The following TTF2 variants were observed in gnomAD, a reference collection of about 807,000 sequenced individuals.
The protein encoded by TTF2 is transcription termination factor 2.
TTF2 carries 108 observed loss-of-function variants against 142.4 expected under a neutral mutation model. The observed-to-expected ratio is 0.76, with a 90% CI of 0.65 to 0.89. The LOEUF (loss-of-function observed/expected upper bound fraction) is 0.89, where lower values mean the gene tolerates loss of function less well. Among genes scored for constraint, TTF2 ranks in the 40% least tolerant of loss-of-function variants. The probability of loss-of-function intolerance (pLI) is 0.00; values close to 1 mark genes in which losing one functional copy is unlikely to be tolerated. For synonymous variants in TTF2, 483 were observed against 506.2 expected, an observed-to-expected ratio of 0.95 and a Z score of 0.61; for missense variants, 1,327 against 1,379.8, an observed-to-expected ratio of 0.96 and a Z score of 0.61.
Position 117,086,600 on chromosome 1 carries a change from T to C in TTF2, c.2160+78T>C, listed in dbSNP as rs901666450. 2.0e-6 allele frequency: 2 copies of C among 1,018,772 alleles called. No individual in the cohort carries two copies. Among genetic ancestry groups the C allele is most frequent in the Non-Finnish European group, 3.0e-6 (2 of 657,450 alleles). 63.1% of individuals were successfully genotyped at this position (1,018,772 alleles called of 1,614,324 possible). A position where few individuals can be genotyped will look rare whatever the true frequency, so the allele number is the denominator to read the frequency against. On this transcript the variant is annotated intron_variant, in intron 12 of 22. Transcript: ENST00000369466. The surrounding 1 kb of genome is among the most constrained non-coding windows in gnomAD (Gnocchi z 4.2). ...TGGGAGTCTTTCTCAGCCTCCACGA[T>C]AGCAAGAGGACCTCCCTGGAGGTCA...
intron 3 of TTF2, among the ~76,000 whole-genome samples, chr1:117,067,023 G>A (rs1158080950): frequency 1.3e-5 from 2 of 152,130 alleles, no homozygotes; most frequent in Non-Finnish European, 2.9e-5. Flanking sequence ...TTATTTTCAT[G>A]TGAAACCAGC....
rs980150067 is a variant in TTF2, at chr1:117,106,408, G to A, written c.*4884G>A. On this transcript the variant is annotated 3_prime_UTR_variant, in exon 23 of 23. Coordinates refer to ENST00000369466, the MANE Select transcript of TTF2 (RefSeq NM_003594.4). Reference sequence around the variant, plus strand: ...TAGCTAAATCCAGATGTATTAATAGGTAGAGACTACTTCAGAAAGGATGAG... The same window carrying A: ...TAGCTAAATCCAGATGTATTAATAGATAGAGACTACTTCAGAAAGGATGAG... 6.6e-6 allele frequency: 1 copy of A among 152,166 alleles called. No homozygotes were observed. Among genetic ancestry groups the A allele is most frequent in the African/African-American group, 2.4e-5 (1 of 41,440 alleles). The allele number at this position is 152,166 out of a possible 1,614,324, so 9.4% of individuals were successfully genotyped here. A position where few individuals can be genotyped will look rare whatever the true frequency, so the allele number is the denominator to read the frequency against.
In TTF2 at chr1:117,093,122, G is replaced by A. The variant is rs2101157515; in HGVS notation, c.2976+221G>A. 6.6e-6 allele frequency among the ~76,000 whole-genome samples: 1 copy of A among 152,270 alleles called. No individual in the cohort carries two copies. The highest frequency in any genetic ancestry group is 1.9e-4 in the East Asian group (1 of 5,188). ...ATAGGGGACTTTGAGAGAGTAATTT[G>A]GGACAACCCCAGCATTGCACTGAAG... On this transcript the variant is annotated intron_variant, in intron 18 of 22. Coordinates refer to ENST00000369466, the MANE Select transcript of TTF2 (RefSeq NM_003594.4). This position sits in a 1 kb window ranked among gnomAD's most constrained non-coding sequence, Gnocchi z 4.5.
chr1:117,097,465 C>T lies in TTF2; in HGVS notation c.3269+32C>T, dbSNP rs781335527. ...ATTCCGGATTTGTCCTGGGTTGTCA[C>T]AGCACATCAAGGAGGCCAGTGGGCT... On this transcript the variant is annotated intron_variant, in intron 21 of 22. Transcript: ENST00000369466. The surrounding 1 kb of genome is among the most constrained non-coding windows in gnomAD (Gnocchi z 4.1). The T allele has an allele frequency of 6.2e-7, 1 of 1,605,776 alleles. No individual in the cohort carries two copies. The highest frequency in any genetic ancestry group is 2.2e-5 in the East Asian group (1 of 44,842).
chr1:117,062,567 T>A, intron 3 of TTF2, 94 bp downstream of exon 3: 1 of 1,262,660 alleles, frequency 7.9e-7, no homozygotes, highest in Non-Finnish European at 1.1e-6. Flanking sequence ...GATTGTTCTT[T>A]AAAAGTCATT....
rs909826464 is a variant in TTF2 at position 117,100,018 on chromosome 1, T to C, written c.3344+1111T>C. ...CAGACCTATCGCAGTCCCTGCTAAA[T>C]ATCTGAATCCGAGTGTCCACATACT... On this transcript the variant is annotated intron_variant, in intron 22 of 22. Coordinates refer to ENST00000369466, the MANE Select transcript of TTF2 (RefSeq NM_003594.4). The surrounding 1 kb of genome is among the most constrained non-coding windows in gnomAD (Gnocchi z 4.6). Among the ~76,000 whole-genome samples the C allele has an allele frequency of 6.6e-6, 1 of 152,260 alleles. No individual in the cohort carries two copies.
At chr1:117,081,298 C>T (rs774629494) in intron 9 of TTF2, among the ~76,000 whole-genome samples, 15 of 152,134 alleles carry the variant, frequency 9.9e-5, no homozygotes, top group Middle Eastern at 3.2e-3. Context: ...TGAGGATAAC[C>T]GTATTCTGTA....
Position 117,076,138 on chromosome 1 carries a change from A to C in TTF2, c.1276-42A>C. On this transcript the variant is annotated intron_variant, in intron 5 of 22. Transcript: ENST00000369466. This position sits in a 1 kb window ranked among gnomAD's most constrained non-coding sequence, Gnocchi z 4.6. ...TTTAATCTGAAACTATTCATCTAAC[A>C]GTGTGAGAGGAGAGATCCATTTGAT... 4 of 1,557,770 alleles carry C rather than the reference A, an allele frequency of 2.6e-6. No homozygotes were observed. The highest frequency in any genetic ancestry group is 3.5e-6 in the Non-Finnish European group (4 of 1,132,780).
At chr1:117,065,220 AC>A (rs1405364245) in intron 3 of TTF2, among the ~76,000 whole-genome samples, 4 of 152,176 alleles carry the variant, frequency 2.6e-5, no homozygotes, top group Non-Finnish European at 5.9e-5. Flanking sequence ...TCCACAGAAA[AC>A]CCTGTTGGGA....
chr1:117,066,308 C>T (rs1415053258), intron 3 of TTF2, among the ~76,000 whole-genome samples: 1 of 152,140 alleles, frequency 6.6e-6, no homozygotes, highest in Non-Finnish European at 1.5e-5. Flanking sequence ...ATTCCAGACA[C>T]ACCAACTTTC....
rs757703177 is a variant in TTF2, at chr1:117,075,852, A to G, written c.1268A>G (p.Gln423Arg). The change falls in exon 5 of 23, where the codon CAA becomes CGA. Residue 423 changes from glutamine (Q) to arginine (R), a missense_variant. By Grantham distance (43) the Gln-to-Arg change is conservative (BLOSUM62 1). Coordinates refer to ENST00000369466, the MANE Select transcript of TTF2 (RefSeq NM_003594.4). The surrounding 1 kb of genome is among the most constrained non-coding windows in gnomAD (Gnocchi z 4.5). ...GTCTACCTTACAACACAACTGAAAC[A>G]AAAGAAGGTAACTATTGACTCGTGT... is the stretch of plus-strand genomic sequence containing the variant. Reference protein sequence around the residue: ...RRVYLTTQLKQKKSTLASVNI... With the variant: ...RRVYLTTQLKRKKSTLASVNI... 1.2e-6 allele frequency: 2 copies of G among 1,603,092 alleles called. No individual in the cohort carries two copies. Among genetic ancestry groups the G allele is most frequent in the Admixed American group, 1.7e-5 (1 of 57,750 alleles).
At chr1:117,067,982 C>T (rs1323239414) in intron 3 of TTF2, among the ~76,000 whole-genome samples, 1 of 152,202 alleles carries the variant, frequency 6.6e-6, no homozygotes, top group African/African-American at 2.4e-5. Context: ...CACTGACCAG[C>T]ATTTGACTAG....
At position 117,075,975 on chromosome 1, in the gene TTF2, C is replaced by T. The variant is rs1656977651; in HGVS notation, c.1275+116C>T. 18 of 1,423,654 alleles carry T rather than the reference C, an allele frequency of 1.3e-5. No homozygotes were observed. Among genetic ancestry groups the T allele is most frequent in the Non-Finnish European group, 1.5e-5 (16 of 1,069,514 alleles). 88.2% of individuals were successfully genotyped at this position (1,423,654 alleles called of 1,614,324 possible). On this transcript the variant is annotated intron_variant, in intron 5 of 22. Coordinates refer to ENST00000369466, the MANE Select transcript of TTF2 (RefSeq NM_003594.4). The surrounding 1 kb of genome is among the most constrained non-coding windows in gnomAD (Gnocchi z 4.5). ...TGTTCATGTGAAGGTTTTATAGGTG[C>T]ATGTTCAGTTTCTGCCTTTTCCCCT...
At position 117,090,535 on chromosome 1, in the gene TTF2, A is replaced by T. The variant is rs769231549; in HGVS notation, c.2500A>T (p.Ile834Leu). The change falls in exon 15 of 23, where the codon ATA becomes TTA. Residue 834 changes from isoleucine to leucine, a missense_variant. Ile to Leu is a conservative substitution (Grantham distance 5, BLOSUM62 2). Coordinates refer to ENST00000369466, the MANE Select transcript of TTF2 (RefSeq NM_003594.4). This position sits in a 1 kb window ranked among gnomAD's most constrained non-coding sequence, Gnocchi z 4.8. ...GCTTTTTTTTTTATTCTTCCAGGTG[A>T]TACTGCCCCAGCGTAAATTTCAGTT... ...QLDSTGRPLV[I>L]LPQRKFQLHH... The T allele has an allele frequency of 6.2e-7, 1 of 1,613,170 alleles. No homozygotes were observed. The highest frequency in any genetic ancestry group is 8.5e-7 in the Non-Finnish European group (1 of 1,179,680).
rs1025129747 is a variant in TTF2, at chr1:117,101,242, G to C, written c.3345-138G>C. 10 of 824,542 alleles carry C rather than the reference G, an allele frequency of 1.2e-5. No individual in the cohort carries two copies. In the Admixed American group the frequency reaches 2.4e-4, roughly 19 times the overall value. The allele number at this position is 824,542 out of a possible 1,614,324, so 51.1% of individuals were successfully genotyped here. A position where few individuals can be genotyped will look rare whatever the true frequency, so the allele number is the denominator to read the frequency against. On this transcript the variant is annotated intron_variant, in intron 22 of 22. Coordinates refer to ENST00000369466, the MANE Select transcript of TTF2 (RefSeq NM_003594.4). This position sits in a 1 kb window ranked among gnomAD's most constrained non-coding sequence, Gnocchi z 5.9. Reference sequence around the variant, plus strand: ...AAGGTTGTTTGGATTCCTCAGACAGGGTTCTTAACTGGACCTAAGAAGACT... The same window carrying C: ...AAGGTTGTTTGGATTCCTCAGACAGCGTTCTTAACTGGACCTAAGAAGACT...
In TTF2 at chr1:117,090,086, A is replaced by G. The variant is rs2101127817; in HGVS notation, c.2374A>G (p.Asn792Asp). The change falls in exon 14 of 23, where the codon AAT becomes GAT. Residue 792 changes from asparagine (N) to aspartate (D), a missense_variant. Asn to Asp is a conservative substitution (Grantham distance 23). Coordinates refer to ENST00000369466, the MANE Select transcript of TTF2 (RefSeq NM_003594.4). This position sits in a 1 kb window ranked among gnomAD's most constrained non-coding sequence, Gnocchi z 4.8. ...FLRCSPFDEF[N>D]LWRSQVDNGS... is the part of the protein sequence containing the mutation. ...CCGTTGCTCTCCATTTGATGAGTTCAATCTGTGGAGGAGTCAGGTTGACAA... is the reference window on the plus strand; with the variant it reads ...CCGTTGCTCTCCATTTGATGAGTTCGATCTGTGGAGGAGTCAGGTTGACAA... 6.2e-7 allele frequency: 1 copy of G among 1,614,020 alleles called. No homozygotes were observed. The highest frequency in any genetic ancestry group is 2.2e-5 in the East Asian group (1 of 44,872).
chr1:117,069,044 C>G (rs1366328570), intron 3 of TTF2, among the ~76,000 whole-genome samples: 2 of 152,186 alleles, frequency 1.3e-5, no homozygotes, highest in African/African-American at 4.8e-5. Flanking sequence ...GAAAAGCCTT[C>G]TTCACTTTAG....
rs1346571849 is a variant in TTF2, at chr1:117,070,256, T to G, written c.219-3405T>G. The stretch of plus-strand genomic sequence containing the variant: ...TGAGTCATTTAACAATGGGGGCATA[T>G]TCTGAGAAATGCGTCATTAGGAGAT... On this transcript the variant is annotated intron_variant, in intron 3 of 22. Transcript: ENST00000369466. This position sits in a 1 kb window ranked among gnomAD's most constrained non-coding sequence, Gnocchi z 4.2. Among the ~76,000 whole-genome samples the G allele has an allele frequency of 6.6e-6, 1 of 152,234 alleles. No homozygotes were observed. Among genetic ancestry groups the G allele is most frequent in the Non-Finnish European group, 1.5e-5 (1 of 68,032 alleles).
In TTF2 at chr1:117,075,939, A is replaced by C. The variant is rs1656973491; in HGVS notation, c.1275+80A>C. 1 of 1,505,158 alleles carries C rather than the reference A, an allele frequency of 6.6e-7. No individual in the cohort carries two copies. 93.2% of individuals were successfully genotyped at this position (1,505,158 alleles called of 1,614,324 possible). A position where few individuals can be genotyped will look rare whatever the true frequency, so the allele number is the denominator to read the frequency against. On this transcript the variant is annotated intron_variant, in intron 5 of 22. Coordinates refer to ENST00000369466, the MANE Select transcript of TTF2 (RefSeq NM_003594.4). This position sits in a 1 kb window ranked among gnomAD's most constrained non-coding sequence, Gnocchi z 4.5. ...AGATATGAGATCTCATTGCTACAGA[A>C]GGGTTAAATATGTTCATGTGAAGGT...
Sources: allele counts gnomAD v4.1 joint callset (sites outside exome capture counted in the v4.1 genomes callset), GRCh38; gene constraint gnomAD v4.1.1; non-coding constraint Gnocchi (gnomAD v3.1); transcripts MANE v1.5; gene names NCBI Gene and HGNC (gene_info 2026-07-23, HGNC 2026-07-21).